Variants in DDC observed in about 807,000 individuals in gnomAD.
DDC encodes the protein aromatic-L-amino-acid decarboxylase.
DDC carries 43 observed loss-of-function variants against 60.0 expected under a neutral mutation model. The ratio of observed to expected loss-of-function variants is 0.72; its 90% confidence interval spans 0.56 to 0.92. DDC has a LOEUF of 0.92. Among genes scored for constraint, DDC ranks in the 40% least tolerant of loss-of-function variants. The pLI, the probability that DDC is intolerant of heterozygous loss-of-function variation, is 0.00. For missense variants in DDC, 573 were observed against 620.2 expected (o/e 0.92, Z 0.81); for synonymous variants, 232 against 234.6 (o/e 0.99, Z 0.10).
At chr7:50,493,516 C>A (rs1310487734) in intron 9 of DDC, among the ~76,000 whole-genome samples, 1 of 152,146 alleles carries the variant, frequency 6.6e-6, no homozygotes, top group Non-Finnish European at 1.5e-5. Flanking sequence ...CTCAGCAGAG[C>A]GGATTTACAT....
At chr7:50,521,283 C>T (rs917681333) in intron 6 of DDC, among the ~76,000 whole-genome samples, 1 of 152,090 alleles carries the variant, frequency 6.6e-6, no homozygotes, top group African/African-American at 2.4e-5. Context: ...GGTGCTACAT[C>T]TATTTTAAAA....
At chr7:50,518,069 G>A (rs1260415506) in intron 6 of DDC, among the ~76,000 whole-genome samples, 1 of 151,934 alleles carries the variant, frequency 6.6e-6, no homozygotes, top group African/African-American at 2.4e-5. Context: ...AAATTAGCCA[G>A]GCGTGGTGGC....
chr7:50,476,257 T>G (rs745043), intron 11 of DDC, among the ~76,000 whole-genome samples: 117,638 of 152,110 alleles, frequency 0.77, 45,687 homozygotes, highest in Admixed American at 0.84. Flanking sequence ...GGGAGCTTTT[T>G]CTGTTCCCTG....
intron 1 of DDC, chr7:50,564,037 AGGGTG>A (rs1236443659): frequency 1.3e-5 from 2 of 152,210 alleles, no homozygotes; most frequent in Non-Finnish European, 2.9e-5. Context: ...CCTGGAGACC[AGGGTG>A]GCGTGAAGCT....
At chr7:50,488,119 A>G (rs1378578061) in intron 9 of DDC, among the ~76,000 whole-genome samples, 3 of 152,130 alleles carry the variant, frequency 2.0e-5, no homozygotes, top group African/African-American at 7.2e-5. Flanking sequence ...ACTTTAAATG[A>G]TGACCATCAG....
intron 9 of DDC, 72 bp from the exon 10 acceptor site, chr7:50,479,935 A>T: frequency 1.6e-6 from 2 of 1,240,960 alleles, no homozygotes; most frequent in Non-Finnish European, 1.2e-6. Context: ...CCCTCTCCCC[A>T]CCTGCCTCAG....
intron 6 of DDC, among the ~76,000 whole-genome samples, chr7:50,516,185 A>T (rs983224815): frequency 6.6e-6 from 1 of 152,202 alleles, no homozygotes; most frequent in Non-Finnish European, 1.5e-5. Flanking sequence ...GCCATAAAAC[A>T]AACATCAATA....
chr7:50,507,766 T>C (rs2043441099), intron 6 of DDC, among the ~76,000 whole-genome samples: 2 of 152,226 alleles, frequency 1.3e-5, no homozygotes, highest in South Asian at 4.1e-4. Context: ...GGCCTTGTCC[T>C]GGCAGTGGCC....
intron 11 of DDC, among the ~76,000 whole-genome samples, chr7:50,471,395 A>ATAAG (rs2042527918): frequency 6.6e-6 from 1 of 152,168 alleles, no homozygotes; most frequent in Admixed American, 6.5e-5. Context: ...AAATAAATAA[A>ATAAG]TAAAATAAAG....
intron 4 of DDC, among the ~76,000 whole-genome samples, chr7:50,529,700 G>C (rs914923095): frequency 6.6e-6 from 1 of 152,216 alleles, no homozygotes; most frequent in African/African-American, 2.4e-5. Flanking sequence ...CAGGGCACCA[G>C]CATGCAAGCC....
chr7:50,515,336 T>G (rs545052979), intron 6 of DDC, among the ~76,000 whole-genome samples: 25 of 152,238 alleles, frequency 1.6e-4, no homozygotes, highest in African/African-American at 5.8e-4. Flanking sequence ...AAAGATACAG[T>G]CCTTTTCAGA....
chr7:50,480,907 G>A (rs867128173), intron 9 of DDC, among the ~76,000 whole-genome samples: 4 of 152,112 alleles, frequency 2.6e-5, no homozygotes, highest in Non-Finnish European at 5.9e-5. Context: ...TGCAGAACTC[G>A]GACGCAAACT....
chr7:50,514,223 G>A (rs890310943), intron 6 of DDC, among the ~76,000 whole-genome samples: 1 of 152,176 alleles, frequency 6.6e-6, no homozygotes, highest in Non-Finnish European at 1.5e-5. Context: ...ACCCAGAAAA[G>A]AGACAACAAT....
intron 9 of DDC, among the ~76,000 whole-genome samples, chr7:50,482,149 G>A (rs994513515): frequency 5.9e-5 from 9 of 152,288 alleles, no homozygotes; most frequent in Non-Finnish European, 2.9e-5. Flanking sequence ...ATCTACGGCC[G>A]TATTCAATAG....
intron 1 of DDC, among the ~76,000 whole-genome samples, chr7:50,552,709 C>T (rs2045044888): frequency 6.6e-6 from 1 of 152,202 alleles, no homozygotes; most frequent in African/African-American, 2.4e-5. Flanking sequence ...CCCTGGACAA[C>T]AGAGAGCACT....
rs371117662 is a variant in DDC at position 50,537,934 on chromosome 7, A to G, written c.361T>C (p.Trp121Arg). 3 of 1,614,030 alleles carry G rather than the reference A, an allele frequency of 1.9e-6. No individual in the cohort carries two copies. The highest frequency in any genetic ancestry group is 3.3e-5 in the Admixed American group (2 of 59,994). The change falls in exon 4 of 15, where the codon TGG (tryptophan) becomes CGG (arginine). Residue 121 changes from tryptophan (W) to arginine (R), a missense_variant. Coordinates refer to ENST00000444124, the MANE Select transcript of DDC (RefSeq NM_001082971.2). ...GGTAGTTCCAGCATCTTCCCGAGCC[A>G]GTCCATCATCACAGTCTCCAGCTCT... ...CTELETVMMD[W>R]LGKMLELPKA...
rs1563001896 is a variant in DDC at position 50,495,337 on chromosome 7, C to T, written c.944+13G>A. On this transcript the variant is annotated intron_variant, in intron 9 of 14. Transcript: ENST00000444124. The stretch of plus-strand genomic sequence containing the variant: ...CGGACAGGCAACTGACATCTGTGAG[C>T]AGGGAAACTTACCACATGGCAGAAC... 6.2e-7 allele frequency: 1 copy of T among 1,605,964 alleles called. No homozygotes were observed. The highest frequency in any genetic ancestry group is 2.2e-5 in the East Asian group (1 of 44,850).
intron 9 of DDC, among the ~76,000 whole-genome samples, chr7:50,494,421 A>T (rs7780360): frequency 6.6e-6 from 1 of 151,694 alleles, no homozygotes; most frequent in Non-Finnish European, 1.5e-5. Context: ...CGAGAATGGC[A>T]TGAACCTGGG....
chr7:50,465,208 T>C (rs1376958450), intron 13 of DDC, among the ~76,000 whole-genome samples: 1 of 152,186 alleles, frequency 6.6e-6, no homozygotes, highest in Non-Finnish European at 1.5e-5. Flanking sequence ...TATACAAATG[T>C]CCAGAATAGA....
Sources: allele counts gnomAD v4.1 joint callset (sites outside exome capture counted in the v4.1 genomes callset), GRCh38; gene constraint gnomAD v4.1.1; transcripts MANE v1.5; gene names NCBI Gene and HGNC (gene_info 2026-07-23, HGNC 2026-07-21).